The following FTO variants were observed in gnomAD, a reference collection of about 807,000 sequenced individuals.
FTO encodes alpha-ketoglutarate-dependent dioxygenase FTO.
A neutral mutation model predicts 63.9 loss-of-function variants in FTO; 47 were observed. The ratio of observed to expected loss-of-function variants is 0.74; its 90% CI spans 0.58 to 0.94. The LOEUF is 0.94. FTO is among the 40% of genes least tolerant of loss of function. The pLI, the probability that FTO is intolerant of heterozygous loss-of-function variation, is 0.00. For missense variants in FTO, 562 were observed against 618.1 expected (o/e 0.91, Z 0.96); for synonymous variants, 207 against 224.4 (o/e 0.92, Z 0.69).
At position 54,054,716 on chromosome 16, in the gene FTO, G is replaced by A. The variant is rs567288341; in HGVS notation, c.1365-57046G>A. 3 of 152,274 alleles carry A rather than the reference G, an allele frequency of 2.0e-5. No individual in the cohort carries two copies. The South Asian group carries it at 6.2e-4, about 32-fold the overall frequency. 9.4% of individuals were successfully genotyped at this position (152,274 alleles called of 1,614,324 possible). On this transcript the variant is annotated intron_variant, in intron 8 of 8. Coordinates refer to ENST00000471389, the MANE Select transcript of FTO (RefSeq NM_001080432.3). Reference sequence around the variant, plus strand: ...GCAACGGTGCCTGAATTAAGTCTCTGGAAGTGGCATACAGGAAGAGACAAG... The same window carrying A: ...GCAACGGTGCCTGAATTAAGTCTCTAGAAGTGGCATACAGGAAGAGACAAG...
At chr16:54,096,069 T>C (rs1388632680) in intron 8 of FTO, among the ~76,000 whole-genome samples, 1 of 152,140 alleles carries the variant, frequency 6.6e-6, no homozygotes, top group African/African-American at 2.4e-5. Context: ...TGTAGTTCTC[T>C]ACTGGATCTC....
At chr16:53,809,989 A>G (rs557109979) in intron 1 of FTO, 151 bp from the exon 2 acceptor site, 3 of 566,748 alleles carry the variant, frequency 5.3e-6, no homozygotes, top group Non-Finnish European at 9.5e-6. Context: ...AATATATTTT[A>G]TAATTGAGAT....
chr16:53,844,974 A>G (rs1055488273), intron 4 of FTO, among the ~76,000 whole-genome samples: 6 of 151,876 alleles, frequency 4.0e-5, no homozygotes, highest in Non-Finnish European at 7.4e-5. Context: ...TGACCTGACA[A>G]TGGGGCCTTT....
intron 8 of FTO, among the ~76,000 whole-genome samples, chr16:53,942,082 G>A (rs561532591): frequency 4.0e-4 from 61 of 152,244 alleles, no homozygotes; most frequent in African/African-American, 1.3e-3. Flanking sequence ...TGTGATATTG[G>A]CCTGTTGCTT....
chr16:54,021,544 C>T (rs2084600321), intron 8 of FTO, among the ~76,000 whole-genome samples: 1 of 152,160 alleles, frequency 6.6e-6, no homozygotes, highest in Non-Finnish European at 1.5e-5. Flanking sequence ...GGCAGGAGTG[C>T]AGTGTCGCAA....
intron 4 of FTO, among the ~76,000 whole-genome samples, chr16:53,852,150 C>A (rs1477904930): frequency 3.4e-5 from 5 of 145,170 alleles, no homozygotes; most frequent in African/African-American, 7.9e-5. Context: ...GTGGCAAACA[C>A]CCGTGGTCAC....
chr16:53,871,244 G>A (rs8044353), intron 4 of FTO, among the ~76,000 whole-genome samples: 22,515 of 152,036 alleles, frequency 0.15, 3,867 homozygotes, highest in African/African-American at 0.41. Context: ...AAAAATGTGT[G>A]TGTTTTTGTC....
chr16:53,963,078 A>T (rs998446034), intron 8 of FTO, among the ~76,000 whole-genome samples: 2 of 152,202 alleles, frequency 1.3e-5, no homozygotes, highest in Non-Finnish European at 2.9e-5. Flanking sequence ...GTATTTTAAA[A>T]CAGTATAGTC....
Position 53,809,098 on chromosome 16 carries a change from T to C in FTO, c.46-1042T>C, listed in dbSNP as rs148158329. 2.7e-4 allele frequency among the ~76,000 whole-genome samples: 41 copies of C among 152,348 alleles called. No homozygotes were observed. The East Asian group carries it at 6.7e-3, about 25-fold the overall frequency. On this transcript the variant is annotated intron_variant, in intron 1 of 8. Coordinates refer to ENST00000471389, the MANE Select transcript of FTO (RefSeq NM_001080432.3). ...TGCCCTATATGTATCTGATTTCTTA[T>C]AAGATACTTTATAATATGAGATCGT... is the stretch of plus-strand genomic sequence containing the variant.
At chr16:53,998,414 G>T (rs1212173603) in intron 8 of FTO, 4 of 152,246 alleles carry the variant, frequency 2.6e-5, no homozygotes, top group African/African-American at 9.6e-5. Flanking sequence ...TGTGTTGCAG[G>T]AGAAGGTAGG....
intron 8 of FTO, among the ~76,000 whole-genome samples, chr16:53,935,399 A>G (rs1302544715): frequency 6.6e-6 from 1 of 152,214 alleles, no homozygotes; most frequent in Non-Finnish European, 1.5e-5. Flanking sequence ...ATGAGTATTT[A>G]TTCTCATTGG....
At chr16:53,868,620 A>G (rs1036923136) in intron 4 of FTO, among the ~76,000 whole-genome samples, 1 of 152,050 alleles carries the variant, frequency 6.6e-6, no homozygotes, top group East Asian at 1.9e-4. Context: ...ATAAATTGTT[A>G]TCTCTTCTAT....
In FTO at chr16:53,909,532, CTTTT is replaced by C. The variant is rs58121446; in HGVS notation, c.1239+20608_1239+20611del. Among the ~76,000 whole-genome samples the C allele has an allele frequency of 1.8e-3, 128 of 71,178 alleles. 1 individual carries two copies. The highest frequency in any genetic ancestry group is 8.0e-3 in the African/African-American group (116 of 14,540). The allele number at this position is 71,178 out of a possible 152,430, so 46.7% of individuals were successfully genotyped here. A position where few individuals can be genotyped will look rare whatever the true frequency, so the allele number is the denominator to read the frequency against. ...GAAAAAGAGGGACAGAGAGCCCCGC[CTTTT>C]TTTTTTTTTTTTTTTTTTTTTTTTT... is the stretch of plus-strand genomic sequence containing the variant. On this transcript the variant is annotated intron_variant, in intron 7 of 8. Transcript: ENST00000471389.
Position 54,112,205 on chromosome 16 carries a change from G to A in FTO, c.*290G>A, listed in dbSNP as rs78427245. On this transcript the variant is annotated 3_prime_UTR_variant, in exon 9 of 9. Transcript: ENST00000471389. ...AAGGTCCAGGGCAGGCGACAGGAAC[G>A]AGCCCAGCGTGTGACAAAGCCTAAC... is the stretch of plus-strand genomic sequence containing the variant. 66 of 424,820 alleles carry A rather than the reference G, an allele frequency of 1.6e-4. 1 individual carries two copies. The East Asian group carries it at 3.3e-3, about 21-fold the overall frequency. 26.3% of individuals were successfully genotyped at this position (424,820 alleles called of 1,614,324 possible).
At chr16:53,770,955 A>G (rs1368224931) in intron 1 of FTO, among the ~76,000 whole-genome samples, 1 of 151,896 alleles carries the variant, frequency 6.6e-6, no homozygotes, top group Non-Finnish European at 1.5e-5. Flanking sequence ...TTGTTCTTCT[A>G]TTTTTTGCTC....
intron 8 of FTO, among the ~76,000 whole-genome samples, chr16:54,068,113 T>G (rs759342063): frequency 6.6e-6 from 1 of 152,186 alleles, no homozygotes; most frequent in Non-Finnish European, 1.5e-5. Flanking sequence ...AACCACCCAA[T>G]GCCAGCAGCA....
At chr16:54,015,726 A>G (rs1460487530) in intron 8 of FTO, among the ~76,000 whole-genome samples, 4 of 152,222 alleles carry the variant, frequency 2.6e-5, no homozygotes, top group Non-Finnish European at 5.9e-5. Flanking sequence ...AAATTATTTC[A>G]TCTCATTCTC....
At chr16:53,715,678 A>C (rs1191003889) in intron 1 of FTO, among the ~76,000 whole-genome samples, 1 of 152,218 alleles carries the variant, frequency 6.6e-6, no homozygotes, top group Non-Finnish European at 1.5e-5. Flanking sequence ...GAGAAGACCC[A>C]TTAAAAACTG....
At chr16:53,872,304 A>G (rs1192646989) in intron 4 of FTO, among the ~76,000 whole-genome samples, 2 of 152,118 alleles carry the variant, frequency 1.3e-5, no homozygotes, top group Non-Finnish European at 2.9e-5. Context: ...TGCTCTTCCA[A>G]ATACTTGAGG....
Sources: gnomAD v4.1 joint callset for allele counts (sites outside exome capture counted in the v4.1 genomes callset) on GRCh38, gnomAD v4.1.1 for gene constraint, MANE v1.5 for transcripts, NCBI Gene and HGNC (gene_info 2026-07-23, HGNC 2026-07-21) for gene names.